Variants in GAB1 observed in about 807,000 individuals in gnomAD.
GAB1 encodes GRB2 associated binding protein 1.
In GAB1, 19 loss-of-function variants were observed where a neutral mutation model predicts 66.5. The ratio of observed to expected loss-of-function variants is 0.29; its 90% CI spans 0.20 to 0.42. The LOEUF (loss-of-function observed/expected upper bound fraction) is 0.42. GAB1 is among the 10% of genes least tolerant of loss of function. The pLI is 1.00. For missense variants in GAB1, 732 were observed against 858.5 expected (o/e 0.85, Z 1.84); for synonymous variants, 294 against 301.4 (o/e 0.98, Z 0.25).
intron 1 of GAB1, among the ~76,000 whole-genome samples, chr4:143,413,002 C>T (rs138808643): frequency 7.1e-4 from 108 of 152,222 alleles, no homozygotes; most frequent in African/African-American, 2.2e-3. Flanking sequence ...TGGATGCTTA[C>T]AATACTTAGT....
chr4:143,400,518 C>T (rs535699047), intron 1 of GAB1, among the ~76,000 whole-genome samples: 1 of 152,288 alleles, frequency 6.6e-6, no homozygotes, highest in South Asian at 2.1e-4. Context: ...ATAAGCTCCC[C>T]TTCTTAATCT....
chr4:143,406,714 G>A (rs1273200203), intron 1 of GAB1, among the ~76,000 whole-genome samples: 1 of 152,214 alleles, frequency 6.6e-6, no homozygotes, highest in Non-Finnish European at 1.5e-5. Flanking sequence ...ACACAGCTGT[G>A]GGTCACCCCA....
chr4:143,457,973 T>G (rs1038886348), intron 6 of GAB1, among the ~76,000 whole-genome samples: 3 of 152,174 alleles, frequency 2.0e-5, no homozygotes, highest in African/African-American at 7.2e-5. Context: ...GCATGTTAAA[T>G]ATTTGATAAT....
Position 143,351,904 on chromosome 4 carries a change from T to C in GAB1, c.72+14644T>C, listed in dbSNP as rs556553107. Reference sequence around the variant, plus strand: ...TCATAAAGCTTGGTTCTTACATTTATTTTATTCATTTAGTATATTTCCCTA... The same window carrying C: ...TCATAAAGCTTGGTTCTTACATTTACTTTATTCATTTAGTATATTTCCCTA... On this transcript the variant is annotated intron_variant, in intron 1 of 9. Transcript: ENST00000262994. Among the ~76,000 whole-genome samples, 46 of 152,330 alleles carry C rather than the reference T, an allele frequency of 3.0e-4. 1 individual carries two copies. In the South Asian group the frequency reaches 9.1e-3, roughly 30 times the overall value.
intron 2 of GAB1, chr4:143,425,631 G>A: frequency 2.6e-6 from 2 of 761,682 alleles, no homozygotes; most frequent in Non-Finnish European, 4.8e-6. Flanking sequence ...TCCATGGGAG[G>A]TCATGCCTGA....
chr4:143,348,371 A>G (rs1186539218), intron 1 of GAB1, among the ~76,000 whole-genome samples: 1 of 152,232 alleles, frequency 6.6e-6, no homozygotes, highest in Non-Finnish European at 1.5e-5. Context: ...AGCAGATCTT[A>G]TCATCCTTTC....
At position 143,348,116 on chromosome 4, in the gene GAB1, T is replaced by G. The variant is rs80194956; in HGVS notation, c.72+10856T>G. Among the ~76,000 whole-genome samples the G allele has an allele frequency of 1.3e-3, 196 of 152,316 alleles. 2 individuals are homozygous for G. Among genetic ancestry groups the G allele is most frequent in the African/African-American group, 4.2e-3 (174 of 41,570 alleles). On this transcript the variant is annotated intron_variant, in intron 1 of 9. Transcript: ENST00000262994. ...TGAAATCGTGAACTCCTTTGAAAAT[T>G]TGAGGCTCCCAGTTCCCATAAGAAC... is the stretch of plus-strand genomic sequence containing the variant.
chr4:143,343,120 A>T (rs993528827), intron 1 of GAB1, among the ~76,000 whole-genome samples: 1 of 152,104 alleles, frequency 6.6e-6, no homozygotes, highest in South Asian at 2.1e-4. Context: ...GCATTTGACC[A>T]TTCTGATCCT....
chr4:143,419,277 T>C, intron 2 of GAB1, among the ~76,000 whole-genome samples: 1 of 152,140 alleles, frequency 6.6e-6, no homozygotes, highest in East Asian at 1.9e-4. Context: ...ATGAATATAG[T>C]TCTTGTGCTC....
At chr4:143,364,746 C>T (rs1351486145) in intron 1 of GAB1, among the ~76,000 whole-genome samples, 1 of 151,828 alleles carries the variant, frequency 6.6e-6, no homozygotes, top group East Asian at 1.9e-4. Flanking sequence ...CCAGTGTTTG[C>T]TTGTTCACTC....
intron 1 of GAB1, among the ~76,000 whole-genome samples, chr4:143,363,110 A>G (rs1729730419): frequency 6.6e-6 from 1 of 152,206 alleles, no homozygotes; most frequent in African/African-American, 2.4e-5. Context: ...TCAAACCCGC[A>G]TGTATCTGCT....
intron 1 of GAB1, among the ~76,000 whole-genome samples, chr4:143,394,199 G>A (rs1395865128): frequency 1.3e-5 from 2 of 152,152 alleles, no homozygotes; most frequent in African/African-American, 2.4e-5. Context: ...ACTTGAACCC[G>A]GGAGGTGGAT....
At chr4:143,454,910 T>A (rs537143077) in intron 6 of GAB1, among the ~76,000 whole-genome samples, 7 of 152,192 alleles carry the variant, frequency 4.6e-5, no homozygotes, top group African/African-American at 1.4e-4. Context: ...CTTTTTTTTT[T>A]AATCTATTAT....
intron 1 of GAB1, among the ~76,000 whole-genome samples, chr4:143,384,330 CT>C (rs1730797069): frequency 6.6e-6 from 1 of 152,182 alleles, no homozygotes; most frequent in South Asian, 2.1e-4. Flanking sequence ...AAAACATCAA[CT>C]TTTATCGCAT....
At chr4:143,362,307 A>G (rs1729694409) in intron 1 of GAB1, among the ~76,000 whole-genome samples, 1 of 152,182 alleles carries the variant, frequency 6.6e-6, no homozygotes. Context: ...TGTTACCAGA[A>G]AGGGGTCCTG....
intron 1 of GAB1, among the ~76,000 whole-genome samples, chr4:143,359,198 T>C (rs1389142037): frequency 2.6e-5 from 4 of 152,204 alleles, no homozygotes; most frequent in Non-Finnish European, 5.9e-5. Context: ...CCGTTTTCTC[T>C]GAGTAACAGG....
intron 9 of GAB1, among the ~76,000 whole-genome samples, chr4:143,468,602 T>A (rs1401983231): frequency 6.6e-6 from 1 of 152,122 alleles, no homozygotes; most frequent in African/African-American, 2.4e-5. Context: ...TAGTTGATGT[T>A]ATTTTTTGTG....
intron 6 of GAB1, among the ~76,000 whole-genome samples, chr4:143,443,422 T>A (rs1039319965): frequency 2.6e-5 from 4 of 152,160 alleles, no homozygotes. Context: ...AGTTATGACT[T>A]CATAAACTCA....
At chr4:143,447,270 C>T (rs575308179) in intron 6 of GAB1, among the ~76,000 whole-genome samples, 18 of 152,142 alleles carry the variant, frequency 1.2e-4, no homozygotes, top group Admixed American at 5.2e-4. Context: ...ATTGACTTGG[C>T]GATGCGGGCT....
Sources: allele counts gnomAD v4.1 joint callset (sites outside exome capture counted in the v4.1 genomes callset), GRCh38; gene constraint gnomAD v4.1.1; transcripts MANE v1.5; gene names NCBI Gene and HGNC (gene_info 2026-07-23, HGNC 2026-07-21).